The following SANBR variants were observed in gnomAD, a reference collection of about 807,000 sequenced individuals.
SANBR encodes the protein SANT and BTB domain regulator of class switch recombination.
Under a neutral mutation model 101.8 loss-of-function variants are expected in SANBR, and 77 were observed. That is an observed-to-expected ratio of 0.76 (90% confidence interval 0.63 to 0.91). The LOEUF (loss-of-function observed/expected upper bound fraction) is 0.91. Among genes scored for constraint, SANBR ranks in the 40% least tolerant of loss-of-function variants. The pLI is 0.00. For missense variants in SANBR, 875 were observed against 853.0 expected, an observed-to-expected ratio of 1.03 and a Z score of -0.32; for synonymous variants, 279 against 274.7, an observed-to-expected ratio of 1.02 and a Z score of -0.15.
intron 7 of SANBR, 103 bp downstream of exon 7, chr2:61,081,613 A>G: frequency 1.6e-6 from 2 of 1,218,884 alleles, no homozygotes; most frequent in Non-Finnish European, 2.2e-6. Flanking sequence ...ATTATTGTTA[A>G]TTGAAAAAAC....
At position 61,101,027 on chromosome 2, in the gene SANBR, A is replaced by G. The variant is rs944923557; in HGVS notation, c.1366-2826A>G. On this transcript the variant is annotated intron_variant, in intron 12 of 21. Transcript: ENST00000402291. ...CGTGAATGTTACTGAATGATGGGTC[A>G]TGGAATTTTAACTGCATTAGTTTTC... Among the ~76,000 whole-genome samples the G allele has an allele frequency of 3.3e-5, 5 of 152,212 alleles. No homozygotes were observed. In the East Asian group the frequency reaches 5.8e-4, roughly 18 times the overall value.
At chr2:61,105,181 G>A (rs1378018599) in intron 13 of SANBR, among the ~76,000 whole-genome samples, 2 of 152,024 alleles carry the variant, frequency 1.3e-5, no homozygotes, top group African/African-American at 2.4e-5. Context: ...AGGAGTTTGA[G>A]ACCAGCCTGG....
intron 14 of SANBR, among the ~76,000 whole-genome samples, chr2:61,107,001 C>A (rs1428040514): frequency 6.6e-6 from 1 of 151,808 alleles, no homozygotes; most frequent in Non-Finnish European, 1.5e-5. Flanking sequence ...CTCATCTCTA[C>A]AAAAAAGGTT....
intron 12 of SANBR, among the ~76,000 whole-genome samples, chr2:61,098,353 T>C (rs1008892756): frequency 2.0e-5 from 3 of 152,128 alleles, no homozygotes; most frequent in Admixed American, 1.3e-4. Flanking sequence ...ATCTGCCTGC[T>C]TTGGCCTCCC....
chr2:61,102,748 G>T (rs1453098070), intron 12 of SANBR, among the ~76,000 whole-genome samples: 1 of 151,890 alleles, frequency 6.6e-6, no homozygotes, highest in African/African-American at 2.4e-5. Flanking sequence ...ATGTTGGCCA[G>T]GCTGGTCTCG....
Position 61,083,172 on chromosome 2 carries a change from T to C in SANBR, c.748T>C (p.Tyr250His). ...TTTTTAGGTTGAACAGTGTATTCAG[T>C]ATTGCCACAAAAATATGAATGCCAT... ...MDSLVEQCIQYCHKNMNAIVA... is the reference protein window; with the variant it reads ...MDSLVEQCIQHCHKNMNAIVA... Residue 250 changes from tyrosine to histidine, a missense_variant, in exon 8 of 22, where the codon TAT becomes CAT. Transcript: ENST00000402291. 1 of 1,611,962 alleles carries C rather than the reference T, an allele frequency of 6.2e-7. No individual in the cohort carries two copies. Among genetic ancestry groups the C allele is most frequent in the Non-Finnish European group, 8.5e-7 (1 of 1,178,602 alleles).
intron 7 of SANBR, among the ~76,000 whole-genome samples, chr2:61,082,252 A>G (rs1682175106): frequency 6.6e-6 from 1 of 152,164 alleles, no homozygotes. Flanking sequence ...CAGAGACTAA[A>G]TGAGTTTTTG....
chr2:61,110,501 G>A (rs1248058522), intron 16 of SANBR, among the ~76,000 whole-genome samples: 2 of 152,282 alleles, frequency 1.3e-5, no homozygotes, highest in African/African-American at 4.8e-5. Context: ...CCAACGTGGT[G>A]AAACCCGGTC....
intron 6 of SANBR, among the ~76,000 whole-genome samples, chr2:61,080,920 T>C (rs1328175926): frequency 1.3e-5 from 2 of 152,178 alleles, no homozygotes; most frequent in African/African-American, 2.4e-5. Context: ...AACTACAGCA[T>C]CAGGCGGCAT....
chr2:61,132,269 G>T (rs1165233388), intron 20 of SANBR, among the ~76,000 whole-genome samples: 1 of 152,184 alleles, frequency 6.6e-6, no homozygotes, highest in East Asian at 1.9e-4. Flanking sequence ...GTATGTATCT[G>T]ATAAGGAAAC....
Position 61,070,389 on chromosome 2 carries a change from C to T in SANBR, c.39C>T (p.Asn13=). Residue 13 remains asparagine (N), a synonymous_variant, in exon 3 of 22, where the codon AAC becomes AAT. Coordinates refer to ENST00000402291, the MANE Select transcript of SANBR (RefSeq NM_001129993.3). The stretch of plus-strand genomic sequence containing the variant: ...ATTCAGAAAACAACAATTTCCTGAA[C>T]AATAATAACCAAATGGTATTGGACA... ...RGYSENNNFL[N]NNNQMVLDMI... The T allele has an allele frequency of 6.3e-7, 1 of 1,593,602 alleles. No individual in the cohort carries two copies. The highest frequency in any genetic ancestry group is 8.5e-7 in the Non-Finnish European group (1 of 1,172,442).
rs1463284000 is a variant in SANBR, at chr2:61,122,917, A to G, written c.*755A>G. 3 of 985,296 alleles carry G rather than the reference A, an allele frequency of 3.0e-6. No individual in the cohort carries two copies. In the African/African-American group the frequency reaches 5.2e-5, roughly 17 times the overall value. The allele number at this position is 985,296 out of a possible 1,614,324, so 61.0% of individuals were successfully genotyped here. On this transcript the variant is annotated 3_prime_UTR_variant, in exon 22 of 22. Transcript: ENST00000402291. ...ATTGATAGTTTTAGGATAGTAAATC[A>G]TTTCTGTTATATGAGACACCCACTG...
downstream of SANBR, among the ~76,000 whole-genome samples, chr2:61,128,006 C>T (rs1197745579): frequency 6.6e-6 from 1 of 152,208 alleles, no homozygotes; most frequent in African/African-American, 2.4e-5. Flanking sequence ...AGCACAGTGG[C>T]TCACGCCTGT....
intron 5 of SANBR, among the ~76,000 whole-genome samples, chr2:61,075,965 T>C (rs1223805566): frequency 6.6e-6 from 1 of 151,930 alleles, no homozygotes; most frequent in Admixed American, 6.6e-5. Flanking sequence ...CTTTGTGAAA[T>C]GGTATTATTT....
chr2:61,076,960 T>C lies in SANBR; in HGVS notation c.472T>C (p.Leu158=). ...CCATGTGTGTGATGAAGCAAAAAAC[T>C]TGAAAGAAGATTTTACTTGCCCGCG... The part of the protein sequence containing the change: ...VIHVCDEAKN[L]KEDFTCPRDL... The change falls in exon 6 of 22, where the codon TTG becomes CTG. Residue 158 remains leucine, a synonymous_variant. Coordinates refer to ENST00000402291, the MANE Select transcript of SANBR (RefSeq NM_001129993.3). The C allele has an allele frequency of 6.2e-7, 1 of 1,614,136 alleles. No individual in the cohort carries two copies. The highest frequency in any genetic ancestry group is 1.6e-4 in the Middle Eastern group (1 of 6,062).
rs759120243 is a variant in SANBR at position 61,103,875 on chromosome 2, T to C, written c.1388T>C (p.Met463Thr). The C allele has an allele frequency of 6.2e-7, 1 of 1,614,208 alleles. No individual in the cohort carries two copies. The highest frequency in any genetic ancestry group is 8.5e-7 in the Non-Finnish European group (1 of 1,180,000). ...LTKGCKVRDH[M>T]VTLRDQGEGG... ...CAGGGCTGTAAAGTGAGGGACCACA[T>C]GGTTACACTTCGTGATCAAGGTGAA... The change falls in exon 13 of 22, where the codon ATG becomes ACG. Residue 463 changes from methionine (M) to threonine (T), a missense_variant. Met to Thr is a moderately conservative substitution (Grantham distance 81). Transcript: ENST00000402291.
At chr2:61,083,552 A>T (rs549107650) in intron 8 of SANBR, among the ~76,000 whole-genome samples, 2 of 145,174 alleles carry the variant, frequency 1.4e-5, no homozygotes, top group Non-Finnish European at 3.0e-5. Flanking sequence ...ATGCACCACC[A>T]TGCCCAGCTA....
intron 14 of SANBR, among the ~76,000 whole-genome samples, chr2:61,107,769 C>T (rs551350151): frequency 3.3e-5 from 5 of 152,154 alleles, no homozygotes; most frequent in Middle Eastern, 3.4e-3. Context: ...GCCTGTAATC[C>T]CAGCTACTCG....
rs192805012 is a variant in SANBR at position 61,111,449 on chromosome 2, C to T, written c.1744+2153C>T. On this transcript the variant is annotated intron_variant, in intron 16 of 21. Transcript: ENST00000402291. ...CCCTTTATCTTCTCTCCAAGTTTTA[C>T]GTAATTTTTCTTAACATCTCGAATC... 9.2e-5 allele frequency among the ~76,000 whole-genome samples: 14 copies of T among 152,286 alleles called. No homozygotes were observed. The South Asian group carries it at 1.5e-3, about 16-fold the overall frequency.
Sources: allele counts gnomAD v4.1 joint callset (sites outside exome capture counted in the v4.1 genomes callset), GRCh38; gene constraint gnomAD v4.1.1; transcripts MANE v1.5; gene names NCBI Gene and HGNC (gene_info 2026-07-23, HGNC 2026-07-21).